Variants in POLA1 observed in about 807,000 individuals in gnomAD.
POLA1 encodes DNA polymerase alpha 1, catalytic subunit.
A neutral mutation model predicts 124.0 loss-of-function variants in POLA1; 15 were observed. The observed-to-expected ratio is 0.12, with a 90% CI of 0.08 to 0.19. The LOEUF is 0.19. Ranked by LOEUF, POLA1 falls within the 10% of genes least tolerant of loss-of-function variation. POLA1 has a pLI of 1.00. For missense variants in POLA1, 886 were observed against 1,103.4 expected (o/e 0.80, Z 2.79); for synonymous variants, 408 against 389.4 (o/e 1.05, Z -0.56).
At chrX:24,703,675 A>G (rs1047046356) in intron 3 of POLA1, among the ~76,000 whole-genome samples, 1 of 112,035 alleles carries the variant, frequency 8.9e-6, no homozygotes, top group African/African-American at 3.2e-5. Flanking sequence ...TAAGGAATGC[A>G]GGTTCGGGAT....
intron 34 of POLA1, among the ~76,000 whole-genome samples, chrX:24,869,667 G>A (rs1268599581): frequency 8.9e-6 from 1 of 112,015 alleles, no homozygotes; most frequent in African/African-American, 3.3e-5. Flanking sequence ...CACTATCCTA[G>A]ACTATAGAGG....
intron 32 of POLA1, among the ~76,000 whole-genome samples, chrX:24,827,999 C>T (rs760271931): frequency 8.9e-6 from 1 of 112,190 alleles, no homozygotes; most frequent in African/African-American, 3.2e-5. Context: ...CTGCTACCCC[C>T]ATCGTCACTA....
At chrX:24,915,732 G>A (rs1279984092) in intron 35 of POLA1, among the ~76,000 whole-genome samples, 1 of 111,949 alleles carries the variant, frequency 8.9e-6, no homozygotes, top group Non-Finnish European at 1.9e-5. Context: ...CATTGGAATA[G>A]TGTTTATTGA....
At chrX:24,890,865 A>G (rs1271928744) in intron 35 of POLA1, among the ~76,000 whole-genome samples, 1 of 112,419 alleles carries the variant, frequency 8.9e-6, no homozygotes, top group Non-Finnish European at 1.9e-5. Context: ...AGAGAGAACA[A>G]AAGTGTATGT....
chrX:24,794,188 A>G (rs1383126100), intron 26 of POLA1, among the ~76,000 whole-genome samples: 1 of 111,200 alleles, frequency 9.0e-6, no homozygotes, highest in Non-Finnish European at 1.9e-5. Flanking sequence ...CATGTTGGCC[A>G]GGTTGGTCTC....
In POLA1 at chrX:24,704,417, A is replaced by C. The variant is rs758479740; in HGVS notation, c.294A>C (p.Arg98=). 9.1e-6 allele frequency: 11 copies of C among 1,205,426 alleles called. No homozygotes were observed. The highest frequency in any genetic ancestry group is 1.2e-5 in the Non-Finnish European group (11 of 889,617). ...GTATTGGCTATGTGGAAGATGGCCG[A>C]GAGATTTTTGATGATGACCTTGAAG... ...DDGIGYVEDG[R]EIFDDDLEDD... Residue 98 remains arginine, a synonymous_variant, in exon 4 of 37, where the codon CGA becomes CGC. Transcript: ENST00000379068.
intron 26 of POLA1, among the ~76,000 whole-genome samples, chrX:24,752,453 T>C (rs1465072884): frequency 8.9e-6 from 1 of 112,232 alleles, no homozygotes; most frequent in Non-Finnish European, 1.9e-5. Flanking sequence ...ATACCATCTG[T>C]ATTTGTGTTT....
chrX:24,826,678 T>C (rs1419765444), intron 32 of POLA1, 77 bp downstream of exon 32: 2 of 619,980 alleles, frequency 3.2e-6, no homozygotes, highest in African/African-American at 2.2e-5. Flanking sequence ...TTGAGATCTC[T>C]GCTTATGGGC....
At chrX:24,739,867 G>A (rs1931527373) in intron 20 of POLA1, among the ~76,000 whole-genome samples, 1 of 112,098 alleles carries the variant, frequency 8.9e-6, no homozygotes, top group Admixed American at 9.4e-5. Context: ...CAATCATTAA[G>A]TTAGAGGTAT....
At chrX:24,883,964 A>G (rs1393688431) in intron 34 of POLA1, among the ~76,000 whole-genome samples, 1 of 111,259 alleles carries the variant, frequency 9.0e-6, no homozygotes, top group African/African-American at 3.3e-5. Flanking sequence ...ATTTCTGAAA[A>G]TGAGGAATGA....
intron 26 of POLA1, among the ~76,000 whole-genome samples, chrX:24,783,530 C>A (rs1183051145): frequency 9.0e-6 from 1 of 111,589 alleles, no homozygotes; most frequent in Non-Finnish European, 1.9e-5. Flanking sequence ...ATCTATTTTC[C>A]CCATTCAGAC....
At chrX:24,795,797 G>A (rs2148475433) in intron 26 of POLA1, among the ~76,000 whole-genome samples, 1 of 108,913 alleles carries the variant, frequency 9.2e-6, no homozygotes, top group African/African-American at 3.3e-5. Flanking sequence ...AGAGGTGTTT[G>A]TCTTTCCGAA....
intron 32 of POLA1, among the ~76,000 whole-genome samples, chrX:24,833,548 C>A (rs934097445): frequency 9.0e-6 from 1 of 111,369 alleles, no homozygotes; most frequent in Non-Finnish European, 1.9e-5. Context: ...TTTACCACAT[C>A]CATACCAACA....
chrX:24,854,880 A>G (rs2046622373), intron 34 of POLA1, among the ~76,000 whole-genome samples: 1 of 111,345 alleles, frequency 9.0e-6, no homozygotes, highest in Non-Finnish European at 1.9e-5. Context: ...TTGATGAATT[A>G]TTCTTTTTGG....
intron 36 of POLA1, among the ~76,000 whole-genome samples, chrX:24,932,196 G>C: frequency 8.9e-6 from 1 of 112,890 alleles, no homozygotes; most frequent in Middle Eastern, 4.7e-3. Flanking sequence ...ACTGTGCCTG[G>C]CCAGCCCATT....
At chrX:24,955,604 A>G (rs919281326) in intron 36 of POLA1, among the ~76,000 whole-genome samples, 2 of 112,088 alleles carry the variant, frequency 1.8e-5, no homozygotes, top group Admixed American at 9.5e-5. Context: ...CAGGAACACA[A>G]TTTGCATTAG....
chrX:24,793,277 CAAAAAAAAA>C (rs144419886), intron 26 of POLA1, among the ~76,000 whole-genome samples: 2 of 26,036 alleles, frequency 7.7e-5, no homozygotes, highest in East Asian at 9.7e-4. Flanking sequence ...GACTCCCTCT[CAAAAAAAAA>C]AAAAAAAAAA....
chrX:24,939,237 AGATT>A (rs1472187347), intron 36 of POLA1, among the ~76,000 whole-genome samples: 7 of 112,389 alleles, frequency 6.2e-5, no homozygotes, highest in African/African-American at 2.3e-4. Context: ...AAAATACTAA[AGATT>A]GATAAGTTTT....
In POLA1 at chrX:24,995,923, C is replaced by G. The variant is rs2048600859; in HGVS notation, c.4380C>G (p.Leu1460=). 3 of 1,210,841 alleles carry G rather than the reference C, an allele frequency of 2.5e-6. No homozygotes were observed. In the East Asian group the frequency reaches 8.9e-5, roughly 36 times the overall value. The change falls in exon 37 of 37, where the codon CTC becomes CTG. Residue 1460 remains leucine, a synonymous_variant. Coordinates refer to ENST00000379068, the MANE Select transcript of POLA1 (RefSeq NM_001330360.2). ...ACTCCGAAGTGAATCTGAGCAAACTCTTCGCTGGTTGTGCCGTGAAATCCT... is the reference window on the plus strand; with the variant it reads ...ACTCCGAAGTGAATCTGAGCAAACTGTTCGCTGGTTGTGCCGTGAAATCCT... ...SGYSEVNLSK[L]FAGCAVKS is the part of the protein sequence containing the mutation.
Sources: gnomAD v4.1 joint callset for allele counts (sites outside exome capture counted in the v4.1 genomes callset) on GRCh38, gnomAD v4.1.1 for gene constraint, MANE v1.5 for transcripts, NCBI Gene and HGNC (gene_info 2026-07-23, HGNC 2026-07-21) for gene names.